The following UBR4 variants were observed in gnomAD, a reference collection of about 807,000 sequenced individuals.
The protein encoded by UBR4 is E3 ubiquitin-protein ligase UBR4.
UBR4 carries 124 observed loss-of-function variants against 575.6 expected under a neutral mutation model. The observed-to-expected ratio is 0.22, with a 90% CI of 0.19 to 0.25. The LOEUF (loss-of-function observed/expected upper bound fraction) is 0.25, where lower values mean the gene tolerates loss of function less well. Ranked by LOEUF, UBR4 falls within the 10% of genes least tolerant of loss-of-function variation. The pLI, the probability that UBR4 is intolerant of heterozygous loss-of-function variation, is 1.00. For synonymous variants in UBR4, 2,455 were observed against 2,473.7 expected (o/e 0.99, Z 0.22); for missense variants, 4,818 against 6,478.8 (o/e 0.74, Z 8.80).
Position 19,074,913 on chromosome 1 carries a change from G to A in UBR4, c.15488-17C>T. The A allele has an allele frequency of 6.2e-7, 1 of 1,613,308 alleles. No individual in the cohort carries two copies. Among genetic ancestry groups the A allele is most frequent in the Non-Finnish European group, 8.5e-7 (1 of 1,179,658 alleles). ...ATAAAAGACCTGCAAAGCACAACGG[G>A]CAGAGGTGTGTCAGGAGCAGGCATA... On this transcript the variant is annotated splice_polypyrimidine_tract_variant and intron_variant, in intron 105 of 105. Transcript: ENST00000375254.
At chr1:19,163,880 A>C in intron 33 of UBR4, 53 bp from the exon 34 acceptor site, 1 of 1,586,562 alleles carries the variant, frequency 6.3e-7, no homozygotes, top group South Asian at 1.1e-5. Flanking sequence ...TCATCGAAGA[A>C]ACCAACGAAA....
In UBR4 at chr1:19,110,998, G is replaced by A. The variant is rs992737715; in HGVS notation, c.11802-166C>T. On this transcript the variant is annotated intron_variant, in intron 78 of 105. Transcript: ENST00000375254. This position sits in a 1 kb window ranked among gnomAD's most constrained non-coding sequence, Gnocchi z 4.5. Reference sequence around the variant, plus strand: ...ACTAGAACTTTAGCTTCACAAAACCGTGGTCGGTAATAATAAAGGGCCCAT... The same window carrying A: ...ACTAGAACTTTAGCTTCACAAAACCATGGTCGGTAATAATAAAGGGCCCAT... Among the ~76,000 whole-genome samples the A allele has an allele frequency of 2.6e-5, 4 of 152,130 alleles. No individual in the cohort carries two copies. The highest frequency in any genetic ancestry group is 2.1e-4 in the South Asian group (1 of 4,824).
intron 11 of UBR4, among the ~76,000 whole-genome samples, chr1:19,190,551 T>A (rs1008147717): frequency 6.6e-6 from 1 of 151,868 alleles, no homozygotes; most frequent in Non-Finnish European, 1.5e-5. Flanking sequence ...ACACTCAGCA[T>A]GGCCAATATT....
chr1:19,137,885 T>C, intron 60 of UBR4, 122 bp downstream of exon 60: 1 of 1,126,006 alleles, frequency 8.9e-7, no homozygotes, highest in East Asian at 2.8e-5. Context: ...AGTTTACACC[T>C]TTATATTTCA....
At chr1:19,178,108 A>G (rs2090472135) in intron 18 of UBR4, among the ~76,000 whole-genome samples, 2 of 152,134 alleles carry the variant, frequency 1.3e-5, no homozygotes, top group Admixed American at 6.5e-5. Flanking sequence ...TGATTAACAA[A>G]CTTGGACAGG....
chr1:19,166,569 GT>G (rs919244819), intron 29 of UBR4, among the ~76,000 whole-genome samples: 2 of 152,034 alleles, frequency 1.3e-5, no homozygotes, highest in Admixed American at 6.6e-5. Flanking sequence ...AGAATTTTCT[GT>G]TGAAAAACAC....
rs759515281 is a variant in UBR4, at chr1:19,156,253, A to G, written c.6072+18T>C. ...AGAAAAATTCTAGGACCATATCATC[A>G]AAGAACTGTAACTGTACCTTAACAA... is the stretch of plus-strand genomic sequence containing the variant. On this transcript the variant is annotated intron_variant, in intron 42 of 105. Coordinates refer to ENST00000375254, the MANE Select transcript of UBR4 (RefSeq NM_020765.3). 1.9e-6 allele frequency: 3 copies of G among 1,613,036 alleles called. No homozygotes were observed. The highest frequency in any genetic ancestry group is 1.7e-6 in the Non-Finnish European group (2 of 1,179,532).
Position 19,198,814 on chromosome 1 carries a change from T to G in UBR4, c.493A>C (p.Lys165Gln). The change falls in exon 4 of 106, where the codon AAG (lysine) becomes CAG (glutamine). Residue 165 changes from lysine to glutamine, a missense_variant. Lys to Gln is a moderately conservative substitution (Grantham distance 53). Coordinates refer to ENST00000375254, the MANE Select transcript of UBR4 (RefSeq NM_020765.3). The part of the protein sequence containing the change: ...MKSAKLPQTV[K>Q]TLSDVEDQKE... Reference sequence around the variant, plus strand: ...GAACACCCACCGTCTGAAAGTGTCTTCACTGTTTGGGGCAGCTTGGCGGAT... The same window carrying G: ...GAACACCCACCGTCTGAAAGTGTCTGCACTGTTTGGGGCAGCTTGGCGGAT... The G allele has an allele frequency of 6.2e-7, 1 of 1,614,258 alleles. No individual in the cohort carries two copies.
chr1:19,089,736 T>C lies in UBR4; in HGVS notation c.14212-759A>G, dbSNP rs1298235995. ...GTGACTTGACAGCAATGATTACATA[T>C]GAGACAACAGGCTGAAAATAACACA... is the stretch of plus-strand genomic sequence containing the variant. On this transcript the variant is annotated intron_variant, in intron 97 of 105. Transcript: ENST00000375254. The surrounding 1 kb of genome is among the most constrained non-coding windows in gnomAD (Gnocchi z 4.3). 6.6e-6 allele frequency among the ~76,000 whole-genome samples: 1 copy of C among 152,236 alleles called. No individual in the cohort carries two copies. The highest frequency in any genetic ancestry group is 1.5e-5 in the Non-Finnish European group (1 of 68,040).
chr1:19,091,541 C>T (rs1421668639), intron 97 of UBR4, among the ~76,000 whole-genome samples: 1 of 152,210 alleles, frequency 6.6e-6, no homozygotes, highest in Non-Finnish European at 1.5e-5. Flanking sequence ...ACAGACATTT[C>T]ACTGAAGATA....
intron 44 of UBR4, 103 bp downstream of exon 44, chr1:19,154,815 A>C (rs1232851321): frequency 5.4e-5 from 82 of 1,514,782 alleles, no homozygotes; most frequent in Non-Finnish European, 7.2e-5. Context: ...GCTGGAGAAA[A>C]TTAAGTTTCA....
chr1:19,160,956 G>A lies in UBR4; in HGVS notation c.5367C>T (p.Cys1789=), dbSNP rs2087249414. ...CCTCCCGGCAGCCCTCTACTGTGCG[G>A]CAGAGGCTGCTCTTCTTGGGCTTCT... is the stretch of plus-strand genomic sequence containing the variant. ...DEEKPKKSSL[C]RTVEGCREEL... The change falls in exon 38 of 106, where the codon TGC becomes TGT. Residue 1789 remains cysteine (C), a synonymous_variant. Transcript: ENST00000375254. 6.2e-7 allele frequency: 1 copy of A among 1,614,000 alleles called. No homozygotes were observed. The highest frequency in any genetic ancestry group is 8.5e-7 in the Non-Finnish European group (1 of 1,180,022).
At chr1:19,092,633 T>A in intron 97 of UBR4, 186 bp downstream of exon 97, 1 of 514,568 alleles carries the variant, frequency 1.9e-6, no homozygotes. Flanking sequence ...CACTTAAGAA[T>A]GAGTTGAATG....
In UBR4 at chr1:19,110,956, T is replaced by C; in HGVS notation, c.11802-124A>G. ...GGCTACCTGGCCCCAAATTTTCTAC[T>C]TCCTTCCCGGGGCAAGACTAGAACT... On this transcript the variant is annotated intron_variant, in intron 78 of 105. Transcript: ENST00000375254. This position sits in a 1 kb window ranked among gnomAD's most constrained non-coding sequence, Gnocchi z 4.5. 1 of 950,250 alleles carries C rather than the reference T, an allele frequency of 1.1e-6. No homozygotes were observed. Among genetic ancestry groups the C allele is most frequent in the East Asian group, 2.6e-5 (1 of 37,900 alleles). 58.9% of individuals were successfully genotyped at this position (950,250 alleles called of 1,614,324 possible). A position where few individuals can be genotyped will look rare whatever the true frequency, so the allele number is the denominator to read the frequency against.
Position 19,139,253 on chromosome 1 carries a change from A to AAAAC in UBR4, c.8594-37_8594-34dup, listed in dbSNP as rs563287199. The AAAAC allele has an allele frequency of 1.3e-4, 205 of 1,551,072 alleles. No individual in the cohort carries two copies. The highest frequency in any genetic ancestry group is 2.7e-4 in the East Asian group (12 of 43,640). Reference sequence around the variant, plus strand: ...AGTAACGAGAGCTGTTACAGGTTAAAAAACAAACAAACAAACAAACAAACA... The same window carrying AAAAC: ...AGTAACGAGAGCTGTTACAGGTTAAAAAACAAACAAACAAACAAACAAACAAACA... On this transcript the variant is annotated intron_variant, in intron 58 of 105. Coordinates refer to ENST00000375254, the MANE Select transcript of UBR4 (RefSeq NM_020765.3). This position sits in a 1 kb window ranked among gnomAD's most constrained non-coding sequence, Gnocchi z 4.2.
At chr1:19,174,507 C>A in intron 21 of UBR4, 60 bp from the exon 22 acceptor site, 5 of 1,573,942 alleles carry the variant, frequency 3.2e-6, no homozygotes, top group East Asian at 2.3e-5. Flanking sequence ...TTCCTACTGC[C>A]TATACACTAT....
intron 104 of UBR4, among the ~76,000 whole-genome samples, chr1:19,077,338 C>T (rs190386001): frequency 1.1e-3 from 161 of 152,290 alleles, no homozygotes; most frequent in Admixed American, 3.1e-3. Context: ...GAGCTTATCC[C>T]AATAGCACGG....
At chr1:19,155,219 C>A in intron 43 of UBR4, 144 bp from the exon 44 acceptor site, 2 of 1,251,756 alleles carry the variant, frequency 1.6e-6, no homozygotes, top group Non-Finnish European at 2.2e-6. Context: ...CTTACAAAGA[C>A]CCTGAGAAAA....
In UBR4 at chr1:19,161,754, C is replaced by A. The variant is rs1172245268; in HGVS notation, c.5028-18G>T. On this transcript the variant is annotated intron_variant, in intron 36 of 105. Coordinates refer to ENST00000375254, the MANE Select transcript of UBR4 (RefSeq NM_020765.3). ...AGTGGTACCTACAAAGAACAAGAAC[C>A]AGCAAATAAGCTCAGAAGTCCCAAC... 1.2e-6 allele frequency: 2 copies of A among 1,613,406 alleles called. No homozygotes were observed. The highest frequency in any genetic ancestry group is 2.2e-5 in the East Asian group (1 of 44,866).
Sources: allele counts gnomAD v4.1 joint callset (sites outside exome capture counted in the v4.1 genomes callset), GRCh38; gene constraint gnomAD v4.1.1; non-coding constraint Gnocchi (gnomAD v3.1); transcripts MANE v1.5; gene names NCBI Gene and HGNC (gene_info 2026-07-23, HGNC 2026-07-21).